Variants in C8orf34 observed in about 807,000 individuals in gnomAD.
C8orf34 encodes the protein uncharacterized protein C8orf34.
In C8orf34, 65 loss-of-function variants were observed where a neutral mutation model predicts 68.3. That is an observed-to-expected ratio of 0.95 (90% confidence interval 0.78 to 1.17). C8orf34 has a LOEUF of 1.17. Ranked by LOEUF, C8orf34 falls within the 50% of genes most tolerant of loss-of-function variation. C8orf34 has a pLI of 0.00. For synonymous variants in C8orf34, 244 were observed against 241.2 expected (o/e 1.01, Z -0.11); for missense variants, 664 against 655.4 (o/e 1.01, Z -0.14).
chr8:68,634,063 G>A (rs772401433), intron 7 of C8orf34, among the ~76,000 whole-genome samples: 1 of 152,102 alleles, frequency 6.6e-6, no homozygotes, highest in African/African-American at 2.4e-5. Flanking sequence ...CTTATATACT[G>A]AATCAGACAA....
chr8:68,523,367 A>C (rs919768531), intron 6 of C8orf34, among the ~76,000 whole-genome samples: 17 of 152,076 alleles, frequency 1.1e-4, no homozygotes, highest in African/African-American at 2.9e-4. Flanking sequence ...GTGTCAGTCT[A>C]TTTTCTTCCT....
chr8:68,625,354 G>T, intron 7 of C8orf34: 1 of 432,528 alleles, frequency 2.3e-6, no homozygotes. Flanking sequence ...CTCACTTTTA[G>T]GAAATTCAAA....
intron 3 of C8orf34, among the ~76,000 whole-genome samples, chr8:68,463,608 T>G (rs1811957615): frequency 6.6e-6 from 1 of 152,206 alleles, no homozygotes; most frequent in Non-Finnish European, 1.5e-5. Flanking sequence ...CAACTGGGCT[T>G]CATCCCTGGG....
intron 7 of C8orf34, chr8:68,625,371 A>G: frequency 2.2e-6 from 1 of 451,892 alleles, no homozygotes; most frequent in Non-Finnish European, 3.9e-6. Context: ...CAAAATATGT[A>G]TCTAATGTGG....
At position 68,521,972 on chromosome 8, in the gene C8orf34, G is replaced by A. The variant is rs1343155360; in HGVS notation, c.938+1G>A. Reference sequence around the variant, plus strand: ...ATAGTGGCTCTAGTCCTGCAGGAAGGTGAGATGAGCTGTCTGCTGAGATTC... The same window carrying A: ...ATAGTGGCTCTAGTCCTGCAGGAAGATGAGATGAGCTGTCTGCTGAGATTC... On this transcript the variant is annotated splice_donor_variant, in intron 6 of 13. Transcript: ENST00000518698. LOFTEE classifies it high-confidence loss of function. 6.2e-7 allele frequency: 1 copy of A among 1,613,464 alleles called. No homozygotes were observed. The highest frequency in any genetic ancestry group is 8.5e-7 in the Non-Finnish European group (1 of 1,179,618).
intron 1 of C8orf34, among the ~76,000 whole-genome samples, chr8:68,366,732 T>G (rs1176574689): frequency 2.1e-5 from 3 of 141,858 alleles, no homozygotes; most frequent in Non-Finnish European, 3.1e-5. Context: ...CCTTACACCT[T>G]ATACAAAAAT....
chr8:68,417,729 A>T lies in C8orf34; in HGVS notation c.328-21770A>T, dbSNP rs1271025579. On this transcript the variant is annotated intron_variant, in intron 1 of 13. Transcript: ENST00000518698. ...GTTCAGTTTGAAGTCAGGTAGTGTGATGCCTCCAGCTTTGTTCTTTTGGCT... is the reference window on the plus strand; with the variant it reads ...GTTCAGTTTGAAGTCAGGTAGTGTGTTGCCTCCAGCTTTGTTCTTTTGGCT... Among the ~76,000 whole-genome samples, 4 of 152,150 alleles carry T rather than the reference A, an allele frequency of 2.6e-5. No homozygotes were observed. The East Asian group carries it at 7.7e-4, about 29-fold the overall frequency.
chr8:68,521,507 C>T (rs141329867), intron 5 of C8orf34, among the ~76,000 whole-genome samples: 2 of 152,190 alleles, frequency 1.3e-5, no homozygotes, highest in African/African-American at 4.8e-5. Context: ...ACAACACACT[C>T]TTCCTTCTGC....
chr8:68,468,728 G>A lies in C8orf34; in HGVS notation c.644G>A (p.Arg215Lys). The change falls in exon 4 of 14, where the codon AGG (arginine) becomes AAG (lysine). Residue 215 changes from arginine to lysine, a missense_variant. By Grantham distance (26) the Arg-to-Lys change is conservative (BLOSUM62 2). Transcript: ENST00000518698. ...GTAGAGCATCCAAAGTGGAACTGGA[G>A]GACTAAACCACAAAGCCGTGATTTT... is the stretch of plus-strand genomic sequence containing the variant. ...RSVEHPKWNW[R>K]TKPQSRDFDE... 6.2e-7 allele frequency: 1 copy of A among 1,612,828 alleles called. No homozygotes were observed. The highest frequency in any genetic ancestry group is 8.5e-7 in the Non-Finnish European group (1 of 1,179,264).
chr8:68,513,909 G>T (rs566416843), intron 5 of C8orf34, among the ~76,000 whole-genome samples: 1 of 152,214 alleles, frequency 6.6e-6, no homozygotes, highest in African/African-American at 2.4e-5. Flanking sequence ...AGGGGTGGGG[G>T]TATGGTTTCC....
intron 7 of C8orf34, among the ~76,000 whole-genome samples, chr8:68,575,956 G>GTTTTTT (rs59081528): frequency 2.7e-4 from 26 of 96,306 alleles, no homozygotes; most frequent in Non-Finnish European, 4.0e-4. Context: ...GTAGATGGTT[G>GTTTTTT]TTTTTTTTTT....
chr8:68,532,474 T>C lies in C8orf34; in HGVS notation c.939-509T>C, dbSNP rs888901027. On this transcript the variant is annotated intron_variant, in intron 6 of 13. Coordinates refer to ENST00000518698, the MANE Select transcript of C8orf34 (RefSeq NM_052958.4). ...CAAAGAGATAGACTCAAAAGCACTATAAATAAAAGCAAGACAATTCAATGA... is the reference window on the plus strand; with the variant it reads ...CAAAGAGATAGACTCAAAAGCACTACAAATAAAAGCAAGACAATTCAATGA... Among the ~76,000 whole-genome samples, 25 of 152,084 alleles carry C rather than the reference T, an allele frequency of 1.6e-4. 1 individual carries two copies. The highest frequency in any genetic ancestry group is 1.6e-3 in the Admixed American group (24 of 15,264).
intron 6 of C8orf34, among the ~76,000 whole-genome samples, chr8:68,529,035 T>C (rs1815135194): frequency 6.6e-6 from 1 of 152,184 alleles, no homozygotes; most frequent in Non-Finnish European, 1.5e-5. Flanking sequence ...CTTCATTCCC[T>C]GCACCATTCC....
intron 1 of C8orf34, among the ~76,000 whole-genome samples, chr8:68,393,282 A>G (rs1163043357): frequency 1.3e-5 from 2 of 152,136 alleles, no homozygotes; most frequent in Non-Finnish European, 2.9e-5. Flanking sequence ...TTGATTAAAT[A>G]TAAAAATGTA....
At chr8:68,426,518 C>CAAAAAAAAAAAAAAAAAAAAAAA (rs753578060) in intron 1 of C8orf34, among the ~76,000 whole-genome samples, 13 of 29,604 alleles carry the variant, frequency 4.4e-4, no homozygotes, top group Non-Finnish European at 5.1e-4. Flanking sequence ...GACCTTGTCT[C>CAAAAAAAAAAAAAAAAAAAAAAA]AAAAAAAAAA....
intron 7 of C8orf34, among the ~76,000 whole-genome samples, chr8:68,581,547 C>CA (rs1403057924): frequency 6.6e-6 from 1 of 152,066 alleles, no homozygotes; most frequent in Non-Finnish European, 1.5e-5. Context: ...TGAGTGCTAA[C>CA]AAAAATTATT....
At chr8:68,338,475 C>G (rs1222236169) in intron 1 of C8orf34, among the ~76,000 whole-genome samples, 1 of 152,182 alleles carries the variant, frequency 6.6e-6, no homozygotes, top group Admixed American at 6.5e-5. Context: ...CTTACTCCTT[C>G]TGCATCTTCA....
intron 1 of C8orf34, among the ~76,000 whole-genome samples, chr8:68,416,272 C>G (rs1166334014): frequency 2.6e-5 from 4 of 152,148 alleles, no homozygotes; most frequent in Admixed American, 1.3e-4. Flanking sequence ...TGATCCCCTT[C>G]CCTGATTTAT....
chr8:68,437,281 A>G (rs1810704787), intron 1 of C8orf34, among the ~76,000 whole-genome samples: 1 of 152,220 alleles, frequency 6.6e-6, no homozygotes, highest in African/African-American at 2.4e-5. Context: ...AAAGAAATCT[A>G]GAAACTTTCC....
Sources: gnomAD v4.1 joint callset for allele counts (sites outside exome capture counted in the v4.1 genomes callset) on GRCh38, gnomAD v4.1.1 for gene constraint, MANE v1.5 for transcripts, NCBI Gene and HGNC (gene_info 2026-07-23, HGNC 2026-07-21) for gene names.